Variants in TRIM44 observed in about 807,000 individuals in gnomAD.
TRIM44 encodes the protein tripartite motif containing 44, also known as tripartite motif-containing protein 44.
Under a neutral mutation model 37.4 loss-of-function variants are expected in TRIM44, and 13 were observed. The ratio of observed to expected loss-of-function variants is 0.35; its 90% CI spans 0.23 to 0.55. The LOEUF (loss-of-function observed/expected upper bound fraction) is 0.55. TRIM44 is among the 20% of genes least tolerant of loss of function. The pLI is 0.89. For missense variants in TRIM44, 426 were observed against 437.2 expected, an observed-to-expected ratio of 0.97 and a Z score of 0.23; for synonymous variants, 175 against 157.2, an observed-to-expected ratio of 1.11 and a Z score of -0.85.
At chr11:35,770,632 C>T (rs368248206) in intron 4 of TRIM44, among the ~76,000 whole-genome samples, 27 of 152,124 alleles carry the variant, frequency 1.8e-4, no homozygotes, top group Non-Finnish European at 3.2e-4. Flanking sequence ...ACTTGCATTT[C>T]TCTGAGGATT....
chr11:35,785,900 T>G (rs1017622054), intron 4 of TRIM44, among the ~76,000 whole-genome samples: 5 of 152,216 alleles, frequency 3.3e-5, no homozygotes, highest in African/African-American at 1.2e-4. Flanking sequence ...CTAAGATGAT[T>G]GAAACCCATG....
chr11:35,665,380 C>T (rs1034160207), intron 1 of TRIM44, among the ~76,000 whole-genome samples: 7 of 151,918 alleles, frequency 4.6e-5, no homozygotes, highest in African/African-American at 1.5e-4. Flanking sequence ...TGCTCTGTAT[C>T]TTCAAAACTT....
chr11:35,695,490 C>T (rs1031359162), intron 2 of TRIM44, among the ~76,000 whole-genome samples: 12 of 151,892 alleles, frequency 7.9e-5, no homozygotes, highest in Admixed American at 3.9e-4. Context: ...TAAACCAGTC[C>T]GTCTTTTCAT....
chr11:35,691,612 G>T (rs1851636740), intron 2 of TRIM44, among the ~76,000 whole-genome samples: 1 of 152,064 alleles, frequency 6.6e-6, no homozygotes, highest in South Asian at 2.1e-4. Context: ...ATAAAGTGTT[G>T]AATAGGCTTA....
chr11:35,688,289 A>G (rs563688186), intron 2 of TRIM44, among the ~76,000 whole-genome samples: 1 of 152,360 alleles, frequency 6.6e-6, no homozygotes, highest in Admixed American at 6.5e-5. Flanking sequence ...ACAAAGCTTG[A>G]TTAGTCCAGA....
chr11:35,782,110 A>G (rs1456970213), intron 4 of TRIM44, among the ~76,000 whole-genome samples: 4 of 152,246 alleles, frequency 2.6e-5, no homozygotes, highest in Admixed American at 2.6e-4. Context: ...TGTGGCAAAG[A>G]GACAAGTAAA....
chr11:35,737,911 T>A (rs866572043), intron 4 of TRIM44, among the ~76,000 whole-genome samples: 4 of 152,164 alleles, frequency 2.6e-5, no homozygotes, highest in African/African-American at 9.6e-5. Flanking sequence ...GATGGGAGCC[T>A]AAATCAATAT....
rs11033274 is a variant in TRIM44, at chr11:35,781,547, C to G, written c.1008-24811C>G. Among the ~76,000 whole-genome samples, 2,117 of 152,244 alleles carry G rather than the reference C, an allele frequency of 0.014. 116 individuals carry two copies. The East Asian group carries it at 0.14, about 10-fold the overall frequency. On this transcript the variant is annotated intron_variant, in intron 4 of 4. Coordinates refer to ENST00000299413, the MANE Select transcript of TRIM44 (RefSeq NM_017583.6). The stretch of plus-strand genomic sequence containing the variant: ...AGATATGCCAGAGTCAGTGGGAAGC[C>G]TCCAGATCCCTAGTCACACAGATAG...
chr11:35,668,116 G>A (rs886263536), intron 1 of TRIM44, among the ~76,000 whole-genome samples: 10 of 152,150 alleles, frequency 6.6e-5, no homozygotes, highest in Non-Finnish European at 1.3e-4. Flanking sequence ...GAGTGAAGGG[G>A]GAAGGGAGAG....
chr11:35,714,828 T>G (rs932130356), intron 2 of TRIM44, among the ~76,000 whole-genome samples: 8 of 152,170 alleles, frequency 5.3e-5, no homozygotes, highest in African/African-American at 1.9e-4. Flanking sequence ...TCTTTCTAGT[T>G]TATGCATAGG....
At chr11:35,806,327 T>TA (rs1308304013) in intron 4 of TRIM44, 31 bp from the exon 5 acceptor site, 2 of 1,613,392 alleles carry the variant, frequency 1.2e-6, no homozygotes, top group Non-Finnish European at 1.7e-6. Context: ...TGTGATATCT[T>TA]AACTCACCTG....
chr11:35,750,175 A>C (rs1035717231), intron 4 of TRIM44, among the ~76,000 whole-genome samples: 2 of 152,198 alleles, frequency 1.3e-5, no homozygotes, highest in South Asian at 2.1e-4. Context: ...AGTGTCTACT[A>C]TGTGCTAGGT....
chr11:35,806,121 T>C (rs1853444916), intron 4 of TRIM44, among the ~76,000 whole-genome samples: 1 of 152,208 alleles, frequency 6.6e-6, no homozygotes. Context: ...TATTCTCTTA[T>C]TTAATCCTCT....
intron 4 of TRIM44, among the ~76,000 whole-genome samples, chr11:35,742,893 G>C (rs2135525615): frequency 6.7e-6 from 1 of 149,638 alleles, no homozygotes; most frequent in East Asian, 1.9e-4. Flanking sequence ...GTCGCAGAGA[G>C]GTTATACACT....
chr11:35,772,160 G>A (rs1357432985), intron 4 of TRIM44, among the ~76,000 whole-genome samples: 1 of 152,238 alleles, frequency 6.6e-6, no homozygotes, highest in Non-Finnish European at 1.5e-5. Flanking sequence ...TGAGTGCACA[G>A]AAGTCAAGAA....
intron 4 of TRIM44, among the ~76,000 whole-genome samples, chr11:35,741,297 T>C (rs1244969040): frequency 6.6e-6 from 1 of 152,196 alleles, no homozygotes; most frequent in Non-Finnish European, 1.5e-5. Context: ...TATCCCTCAC[T>C]TAAGTCAGAT....
At chr11:35,752,128 C>G (rs567449978) in intron 4 of TRIM44, among the ~76,000 whole-genome samples, 6 of 151,920 alleles carry the variant, frequency 3.9e-5, no homozygotes, top group Non-Finnish European at 7.4e-5. Flanking sequence ...GGCCAGTAGC[C>G]GAGGAATTAT....
chr11:35,756,506 C>A (rs1852643180), intron 4 of TRIM44, among the ~76,000 whole-genome samples: 1 of 152,114 alleles, frequency 6.6e-6, no homozygotes. Context: ...TTTACTTCTC[C>A]TGCCTGATTG....
At chr11:35,742,383 G>A (rs1197207360) in intron 4 of TRIM44, among the ~76,000 whole-genome samples, 1 of 137,122 alleles carries the variant, frequency 7.3e-6, no homozygotes, top group Non-Finnish European at 1.5e-5. Flanking sequence ...ATATATATAT[G>A]GTCTATATAT....
Sources: allele counts gnomAD v4.1 joint callset (sites outside exome capture counted in the v4.1 genomes callset), GRCh38; gene constraint gnomAD v4.1.1; transcripts MANE v1.5; gene names NCBI Gene and HGNC (gene_info 2026-07-23, HGNC 2026-07-21).